ANKRD36: variants seen among roughly 807,000 people sequenced by gnomAD.
ANKRD36 encodes ankyrin repeat domain 36, also known as ankyrin repeat domain-containing protein 36A.
In ANKRD36, 179 loss-of-function variants were observed where a neutral mutation model predicts 278.1. The ratio of observed to expected loss-of-function variants is 0.64; its 90% CI spans 0.57 to 0.73. The LOEUF is 0.73. Ranked by LOEUF, ANKRD36 falls within the 30% of genes least tolerant of loss-of-function variation. The pLI is 0.00. For missense variants in ANKRD36, 1,159 were observed against 1,956.7 expected (o/e 0.59, Z 7.69); for synonymous variants, 320 against 641.1 (o/e 0.50, Z 7.57).
intron 20 of ANKRD36, 72 bp downstream of exon 20, chr2:97,164,541 A>T (rs2050113578): frequency 6.8e-7 from 1 of 1,480,306 alleles, no homozygotes; most frequent in African/African-American, 1.4e-5. Context: ...TAGTTTTTTG[A>T]TTCCCACTTT....
intron 22 of ANKRD36, among the ~76,000 whole-genome samples, chr2:97,170,908 C>T (rs1264450455): frequency 6.7e-6 from 1 of 148,712 alleles, no homozygotes; most frequent in Non-Finnish European, 1.5e-5. Flanking sequence ...ACAGACACTT[C>T]TCAAAAGAAG....
intron 4 of ANKRD36, among the ~76,000 whole-genome samples, chr2:97,123,200 GTC>G (rs1251547863): frequency 6.6e-6 from 1 of 151,402 alleles, no homozygotes; most frequent in Non-Finnish European, 1.5e-5. Flanking sequence ...AGCAGGATTC[GTC>G]TCTCTCTATA....
chr2:97,189,183 T>G lies in ANKRD36; in HGVS notation c.2173-35T>G, dbSNP rs1367742904. 2.2e-5 allele frequency: 16 copies of G among 743,870 alleles called. 4 individuals are homozygous for G. Among genetic ancestry groups the G allele is most frequent in the South Asian group, 1.8e-4 (14 of 77,046 alleles). The allele number at this position is 743,870 out of a possible 1,614,324, so 46.1% of individuals were successfully genotyped here. A position where few individuals can be genotyped will look rare whatever the true frequency, so the allele number is the denominator to read the frequency against. On this transcript the variant is annotated intron_variant, in intron 33 of 75. Transcript: ENST00000420699. ...GTCTATGAAACATACTTCATTGATT[T>G]ATTTATTTATTATTTTCTTTCAAAT...
intron 6 of ANKRD36, among the ~76,000 whole-genome samples, chr2:97,141,246 CAT>C (rs763636341): frequency 2.7e-4 from 39 of 147,140 alleles, no homozygotes; most frequent in African/African-American, 5.3e-4. Flanking sequence ...TATATATTTA[CAT>C]ATATATATAT....
intron 6 of ANKRD36, among the ~76,000 whole-genome samples, chr2:97,140,086 C>T (rs1443557905): frequency 2.0e-5 from 3 of 151,628 alleles, no homozygotes; most frequent in Admixed American, 1.3e-4. Flanking sequence ...ATTTTCATTA[C>T]AAATGAAAAT....
At chr2:97,204,388 C>T in intron 50 of ANKRD36, 125 bp downstream of exon 50, 1 of 1,234,520 alleles carries the variant, frequency 8.1e-7, no homozygotes, top group Non-Finnish European at 1.1e-6. Flanking sequence ...TGAGATTCTT[C>T]ATTTCAAATA....
Position 97,200,184 on chromosome 2 carries a change from A to G in ANKRD36, c.2756-150A>G, listed in dbSNP as rs577582346. 131 of 1,494,238 alleles carry G rather than the reference A, an allele frequency of 8.8e-5. 1 individual carries two copies. Among genetic ancestry groups the G allele is most frequent in the South Asian group, 5.6e-4 (46 of 81,580 alleles). The allele number at this position is 1,494,238 out of a possible 1,614,324, so 92.6% of individuals were successfully genotyped here. On this transcript the variant is annotated intron_variant, in intron 44 of 75. Coordinates refer to ENST00000420699, the MANE Select transcript of ANKRD36 (RefSeq NM_001354587.1). ...TCCCTTTTTTCAGTGTATTTCTGTC[A>G]TGTTCTGATCCCCAGACACAAAGTA...
chr2:97,220,923 C>T (rs1333054968), intron 66 of ANKRD36, among the ~76,000 whole-genome samples: 2 of 103,108 alleles, frequency 1.9e-5, no homozygotes, highest in Non-Finnish European at 1.8e-5. Flanking sequence ...GCTATCCCTC[C>T]CCCCTCCCCC....
Position 97,204,003 on chromosome 2 carries a change from A to G in ANKRD36, c.2960-65A>G, listed in dbSNP as rs1166526767. ...GGACAGAGGCTGATGCTAACACTGCATGAATGTATGGATAATTTTGTCATT... is the reference window on the plus strand; with the variant it reads ...GGACAGAGGCTGATGCTAACACTGCGTGAATGTATGGATAATTTTGTCATT... On this transcript the variant is annotated intron_variant, in intron 48 of 75. Coordinates refer to ENST00000420699, the MANE Select transcript of ANKRD36 (RefSeq NM_001354587.1). The G allele has an allele frequency of 2.1e-5, 33 of 1,537,022 alleles. No homozygotes were observed. In the East Asian group the frequency reaches 7.6e-4, roughly 35 times the overall value.
Position 97,187,206 on chromosome 2 carries a change from C to G in ANKRD36, c.2050C>G (p.Gln684Glu), listed in dbSNP as rs756970681. The change falls in exon 31 of 76, where the codon CAG (glutamine) becomes GAG (glutamate). Residue 684 changes from glutamine (Q) to glutamate (E), a missense_variant. Physicochemically the swap from Gln to Glu is conservative, Grantham distance 29. Transcript: ENST00000420699. ...DGLQCGTVSS[Q>E]KQPALKATTD... ...TCCCTTTTGCTTTTCAGTGTCTTCT[C>G]AGAAACAACCAGCCTTGAAGGTAAT... 9.3e-6 allele frequency: 15 copies of G among 1,609,590 alleles called. No individual in the cohort carries two copies. The Middle Eastern group carries it at 6.8e-4, about 72-fold the overall frequency.
intron 52 of ANKRD36, among the ~76,000 whole-genome samples, 199 bp downstream of exon 52, chr2:97,206,334 TC>T (rs1375598114): frequency 2.6e-5 from 4 of 151,344 alleles, no homozygotes; most frequent in African/African-American, 9.7e-5. Context: ...ATTATACACT[TC>T]CCCACGTTGA....
At chr2:97,222,586 G>A (rs543844761) in intron 66 of ANKRD36, among the ~76,000 whole-genome samples, 13 of 152,220 alleles carry the variant, frequency 8.5e-5, no homozygotes, top group African/African-American at 3.1e-4. Context: ...CAGTGATGTC[G>A]AGCACCTTTC....
At chr2:97,130,294 T>C (rs1332435035) in intron 6 of ANKRD36, among the ~76,000 whole-genome samples, 2 of 151,850 alleles carry the variant, frequency 1.3e-5, no homozygotes, top group African/African-American at 4.8e-5. Context: ...CTGTCCTTTG[T>C]AGGGACATGG....
At position 97,154,675 on chromosome 2, in the gene ANKRD36, G is replaced by T; in HGVS notation, c.1194G>T (p.Arg398Ser). Residue 398 changes from arginine (R) to serine (S), a missense_variant and splice_region_variant, in exon 15 of 76, where the codon AGG (arginine) becomes AGT (serine). Coordinates refer to ENST00000420699, the MANE Select transcript of ANKRD36 (RefSeq NM_001354587.1). ...TTTGTAATATCTTTTTGCTCTGTAG[G>T]TGTCTCTACCTACTGGACCGTTTTG... ...VLPPVEEAVDRCLYLLDRFAQ... is the reference protein window; with the variant it reads ...VLPPVEEAVDSCLYLLDRFAQ... 2 of 1,485,844 alleles carry T rather than the reference G, an allele frequency of 1.3e-6. No individual in the cohort carries two copies. Among genetic ancestry groups the T allele is most frequent in the Non-Finnish European group, 1.8e-6 (2 of 1,105,108 alleles). The allele number at this position is 1,485,844 out of a possible 1,614,324, so 92.0% of individuals were successfully genotyped here. A position where few individuals can be genotyped will look rare whatever the true frequency, so the allele number is the denominator to read the frequency against.
chr2:97,218,437 A>G (rs1306258073), intron 64 of ANKRD36, among the ~76,000 whole-genome samples: 6 of 148,386 alleles, frequency 4.0e-5, no homozygotes, highest in African/African-American at 1.5e-4. Context: ...ACTAGAGGAT[A>G]TAAGAAATGT....
At chr2:97,233,991 G>A in intron 68 of ANKRD36, 120 bp downstream of exon 68, 1 of 544,414 alleles carries the variant, frequency 1.8e-6, no homozygotes, top group East Asian at 3.9e-5. Flanking sequence ...TCAGAAATAT[G>A]CCTTATGTTA....
At chr2:97,131,306 C>T (rs202221618) in intron 6 of ANKRD36, among the ~76,000 whole-genome samples, 5 of 152,068 alleles carry the variant, frequency 3.3e-5, no homozygotes, top group Admixed American at 1.3e-4. Context: ...CCTCCTACCT[C>T]AGCCTCCTAA....
chr2:97,140,947 A>G (rs972291737), intron 6 of ANKRD36, among the ~76,000 whole-genome samples: 1 of 151,896 alleles, frequency 6.6e-6, no homozygotes, highest in African/African-American at 2.4e-5. Flanking sequence ...AGTTAGAAGG[A>G]TGAGGGTGAC....
rs546407955 is a variant in ANKRD36 at position 97,194,253 on chromosome 2, G to T, written c.2450-473G>T. Among the ~76,000 whole-genome samples the T allele has an allele frequency of 4.0e-5, 6 of 151,716 alleles. No individual in the cohort carries two copies. In the East Asian group the frequency reaches 7.9e-4, roughly 20 times the overall value. On this transcript the variant is annotated intron_variant, in intron 38 of 75. Coordinates refer to ENST00000420699, the MANE Select transcript of ANKRD36 (RefSeq NM_001354587.1). ...ATGTGAAGTGTACGTTCAACTGGAG[G>T]GTCATCGTAATTGTGTGCCTTCTCA... is the stretch of plus-strand genomic sequence containing the variant.
Sources: allele counts gnomAD v4.1 joint callset (sites outside exome capture counted in the v4.1 genomes callset), GRCh38; gene constraint gnomAD v4.1.1; transcripts MANE v1.5; gene names NCBI Gene and HGNC (gene_info 2026-07-23, HGNC 2026-07-21).